Variants in MAP4 observed in about 807,000 individuals in gnomAD.
MAP4 encodes the protein microtubule-associated protein 4.
MAP4 carries 76 observed loss-of-function variants against 170.2 expected under a neutral mutation model. That is an observed-to-expected ratio of 0.45 (90% CI 0.37 to 0.54). MAP4 has a LOEUF of 0.54. MAP4 is among the 20% of genes least tolerant of loss of function. The probability of loss-of-function intolerance (pLI) is 0.00; values close to 1 mark genes in which losing one functional copy is unlikely to be tolerated. For missense variants in MAP4, 2,506 were observed against 2,748.0 expected (o/e 0.91, Z 1.97); for synonymous variants, 909 against 994.5 (o/e 0.91, Z 1.62).
intron 1 of MAP4, among the ~76,000 whole-genome samples, chr3:48,063,561 C>T (rs2100136985): frequency 6.6e-6 from 1 of 152,216 alleles, no homozygotes; most frequent in Non-Finnish European, 1.5e-5. Flanking sequence ...TTTATAGTAG[C>T]TTTATTCACA....
At chr3:48,015,747 T>A (rs1283605351) in intron 1 of MAP4, among the ~76,000 whole-genome samples, 1 of 152,214 alleles carries the variant, frequency 6.6e-6, no homozygotes, top group African/African-American at 2.4e-5. Context: ...CAAAATGATA[T>A]TTTACTTAAA....
chr3:47,887,192 A>C (rs2097736530), intron 10 of MAP4, among the ~76,000 whole-genome samples: 1 of 152,194 alleles, frequency 6.6e-6, no homozygotes, highest in East Asian at 1.9e-4. Context: ...CTCAGCTTGC[A>C]GGGAGGTGTG....
In MAP4 at chr3:47,916,012, G is replaced by A. The variant is rs1367177298; in HGVS notation, c.1815C>T (p.Ser605=). 1 of 1,614,124 alleles carries A rather than the reference G, an allele frequency of 6.2e-7. No individual in the cohort carries two copies. Residue 605 remains serine, a synonymous_variant, in exon 7 of 21, where the codon TCC becomes TCT. Transcript: ENST00000683076. ...CCACATCCTGCAGAGATTCTAAATGGGAATCCTCACTTATTCCTTTTTGTG... is the reference window on the plus strand; with the variant it reads ...CCACATCCTGCAGAGATTCTAAATGAGAATCCTCACTTATTCCTTTTTGTG... ...AQTQKGISED[S]HLESLQDVGQ... is the part of the protein sequence containing the mutation.
intron 3 of MAP4, among the ~76,000 whole-genome samples, chr3:47,930,126 G>A (rs917948826): frequency 1.2e-4 from 18 of 151,562 alleles, no homozygotes; most frequent in South Asian, 8.3e-4. Context: ...GTGAGACTGC[G>A]TCTCAAAAAA....
intron 10 of MAP4, among the ~76,000 whole-genome samples, chr3:47,878,188 T>C (rs2152510977): frequency 6.6e-6 from 1 of 152,330 alleles, no homozygotes; most frequent in East Asian, 1.9e-4. Flanking sequence ...ATAACCTTGC[T>C]GTGGGGGAAG....
rs1306104019 is a variant in MAP4 at position 48,087,735 on chromosome 3, ACACGCACGCG to A, written c.-20+1028_-20+1037del. 2.0e-3 allele frequency among the ~76,000 whole-genome samples: 199 copies of A among 100,466 alleles called. 1 individual carries two copies. Among genetic ancestry groups the A allele is most frequent in the South Asian group, 0.013 (34 of 2,660 alleles). 65.9% of individuals were successfully genotyped at this position (100,466 alleles called of 152,430 possible). A position where few individuals can be genotyped will look rare whatever the true frequency, so the allele number is the denominator to read the frequency against. ...CACACATACACACGCACGCGCACAC[ACACGCACGCG>A]CACACACACACACACACACACACAC... On this transcript the variant is annotated intron_variant, in intron 1 of 18. Transcript: ENST00000360240.
intron 10 of MAP4, 174 bp from the exon 11 acceptor site, chr3:47,877,697 GAC>G (rs1453853403): frequency 7.9e-6 from 4 of 508,390 alleles, no homozygotes; most frequent in African/African-American, 3.9e-5. Flanking sequence ...TGTGATGGAG[GAC>G]AGTTTTAGAT....
chr3:48,005,318 G>A (rs1012038134), intron 1 of MAP4, among the ~76,000 whole-genome samples: 19 of 117,376 alleles, frequency 1.6e-4, no homozygotes, highest in Admixed American at 1.3e-3. Flanking sequence ...CTGAGATTGT[G>A]CCACTGCACT....
At position 47,911,250 on chromosome 3, in the gene MAP4, A is replaced by G; in HGVS notation, c.3171T>C (p.Gly1057=). 2.0e-6 allele frequency: 3 copies of G among 1,535,836 alleles called. No individual in the cohort carries two copies. Among genetic ancestry groups the G allele is most frequent in the Non-Finnish European group, 1.7e-6 (2 of 1,146,870 alleles). Residue 1057 remains glycine (G), a synonymous_variant, in exon 9 of 21, where the codon GGT becomes GGC. Coordinates refer to ENST00000683076, the MANE Select transcript of MAP4 (RefSeq NM_001385682.1). The surrounding 1 kb of genome is among the most constrained non-coding windows in gnomAD (Gnocchi z 4.0). ...CCCTTCCCTTCCTGCTTTTGCCATC[A>G]CCTGCCATTCTCTTAAATGGTTCAT... ...VENEPFKRMA[G]DGKSRKGRGS... is the part of the protein sequence containing the mutation.
intron 2 of MAP4, among the ~76,000 whole-genome samples, chr3:47,982,395 GA>G (rs2100085911): frequency 6.6e-6 from 1 of 152,106 alleles, no homozygotes; most frequent in African/African-American, 2.4e-5. Context: ...GGACTCAAAA[GA>G]AGAATTTAAA....
chr3:47,954,019 A>T (rs553108855), intron 3 of MAP4, among the ~76,000 whole-genome samples: 4 of 151,392 alleles, frequency 2.6e-5, no homozygotes, highest in Non-Finnish European at 5.9e-5. Flanking sequence ...GTCTCAAAAA[A>T]ACAAAAAAAA....
intron 1 of MAP4, among the ~76,000 whole-genome samples, chr3:48,086,442 C>T (rs9837426): frequency 0.017 from 2,575 of 152,246 alleles, 65 homozygotes; most frequent in African/African-American, 0.049. Context: ...AGTTTGAGAC[C>T]AGTCTGTCCA....
intron 10 of MAP4, among the ~76,000 whole-genome samples, chr3:47,900,358 G>C (rs1280159488): frequency 6.6e-6 from 1 of 152,090 alleles, no homozygotes; most frequent in Non-Finnish European, 1.5e-5. Context: ...ATTAAAAAAA[G>C]GATGAGAAGC....
At chr3:47,908,469 A>G (rs951647515) in intron 9 of MAP4, among the ~76,000 whole-genome samples, 2 of 152,198 alleles carry the variant, frequency 1.3e-5, no homozygotes, top group African/African-American at 4.8e-5. Context: ...ATCATTTCCC[A>G]TTACTAGAAA....
intron 3 of MAP4, chr3:47,973,271 A>AAG (rs954062113): frequency 5.1e-6 from 5 of 985,030 alleles, no homozygotes; most frequent in East Asian, 1.1e-4. Flanking sequence ...AGGAAAAAAA[A>AAG]AGAGAGAGAG....
chr3:48,082,739 C>T (rs979505931), intron 1 of MAP4, among the ~76,000 whole-genome samples: 1 of 145,306 alleles, frequency 6.9e-6, no homozygotes, highest in African/African-American at 2.6e-5. Context: ...CAGAGGTTGC[C>T]GTGAGCCAAG....
intron 2 of MAP4, among the ~76,000 whole-genome samples, chr3:47,984,745 G>T (rs2100087574): frequency 6.6e-6 from 1 of 151,962 alleles, no homozygotes; most frequent in Non-Finnish European, 1.5e-5. Flanking sequence ...GAGGCAGGCA[G>T]ATCACATGAG....
chr3:47,937,713 G>A (rs2100053843), intron 3 of MAP4, among the ~76,000 whole-genome samples: 1 of 145,236 alleles, frequency 6.9e-6, no homozygotes, highest in African/African-American at 2.6e-5. Context: ...CCAGGCTGGA[G>A]CGCGATAGCA....
intron 7 of MAP4, 98 bp from the exon 8 acceptor site, chr3:47,915,037 G>A: frequency 3.4e-6 from 5 of 1,459,696 alleles, no homozygotes; most frequent in South Asian, 2.4e-5. Context: ...TTTCTGAGGA[G>A]TTCTCCTACA....
Sources: allele counts gnomAD v4.1 joint callset (sites outside exome capture counted in the v4.1 genomes callset), GRCh38; gene constraint gnomAD v4.1.1; non-coding constraint Gnocchi (gnomAD v3.1); transcripts MANE v1.5; gene names NCBI Gene and HGNC (gene_info 2026-07-23, HGNC 2026-07-21).